Variants in PDE11A observed in about 807,000 individuals in gnomAD.
PDE11A encodes the protein phosphodiesterase 11A, also known as dual 3',5'-cyclic-AMP and -GMP phosphodiesterase 11A.
Under a neutral mutation model 100.5 loss-of-function variants are expected in PDE11A, and 100 were observed. That is an observed-to-expected ratio of 1.00 (90% CI 0.85 to 1.18). The LOEUF is 1.18. PDE11A is among the 50% of genes most tolerant of loss of function. The probability of loss-of-function intolerance (pLI) is 0.00; values close to 1 mark genes in which losing one functional copy is unlikely to be tolerated. For missense variants in PDE11A, 1,141 were observed against 1,152.6 expected (o/e 0.99, Z 0.15); for synonymous variants, 381 against 420.8 (o/e 0.91, Z 1.16).
At chr2:177,858,637 C>T (rs575811018) in intron 5 of PDE11A, among the ~76,000 whole-genome samples, 1 of 152,320 alleles carries the variant, frequency 6.6e-6, no homozygotes, top group South Asian at 2.1e-4. Flanking sequence ...AACACTTTTA[C>T]ACTGTTAGTG....
At chr2:177,910,446 A>G (rs74267470) in intron 2 of PDE11A, among the ~76,000 whole-genome samples, 1,725 of 146,142 alleles carry the variant, frequency 0.012, 27 homozygotes, top group East Asian at 0.074. Context: ...ATATATATAT[A>G]CACACACACA....
At chr2:177,664,423 T>C (rs1373667915) in intron 18 of PDE11A, among the ~76,000 whole-genome samples, 2 of 152,120 alleles carry the variant, frequency 1.3e-5, no homozygotes, top group African/African-American at 4.8e-5. Context: ...TGGGTAGGGG[T>C]TGATTTGGCA....
intron 15 of PDE11A, among the ~76,000 whole-genome samples, chr2:177,692,864 C>A (rs901387857): frequency 6.6e-6 from 1 of 152,168 alleles, no homozygotes; most frequent in African/African-American, 2.4e-5. Context: ...AGCCTTTCCA[C>A]ATTTCCATGA....
chr2:177,703,958 C>T (rs2081239918), intron 13 of PDE11A, among the ~76,000 whole-genome samples: 2 of 152,202 alleles, frequency 1.3e-5, no homozygotes, highest in African/African-American at 2.4e-5. Flanking sequence ...CCATCTTCCT[C>T]GTCAGATTCC....
chr2:177,722,676 T>C (rs2081547958), intron 12 of PDE11A, among the ~76,000 whole-genome samples: 2 of 152,192 alleles, frequency 1.3e-5, no homozygotes, highest in Non-Finnish European at 2.9e-5. Context: ...AGTTAATTTA[T>C]TGTGTCTGGT....
intron 4 of PDE11A, among the ~76,000 whole-genome samples, 160 bp from the exon 5 acceptor site, chr2:177,876,083 C>A (rs980612517): frequency 6.6e-6 from 1 of 152,110 alleles, no homozygotes; most frequent in Non-Finnish European, 1.5e-5. Context: ...AGAGGAGAAT[C>A]CCATCCTACA....
intron 5 of PDE11A, among the ~76,000 whole-genome samples, chr2:177,848,278 C>A (rs991714609): frequency 6.6e-6 from 1 of 151,984 alleles, no homozygotes; most frequent in South Asian, 2.1e-4. Context: ...AAACAGCAGA[C>A]AGTAAAAATA....
At chr2:177,777,208 G>A (rs2082390118) in intron 9 of PDE11A, among the ~76,000 whole-genome samples, 1 of 151,902 alleles carries the variant, frequency 6.6e-6, no homozygotes, top group Admixed American at 6.6e-5. Flanking sequence ...CTAGCCTCCA[G>A]AACTGTAAGA....
intron 2 of PDE11A, chr2:177,998,817 C>T (rs1360563838): frequency 1.7e-5 from 11 of 665,942 alleles, no homozygotes; most frequent in African/African-American, 1.6e-4. Flanking sequence ...TCATCCTTGC[C>T]GGCACCACTG....
chr2:178,033,269 C>A (rs917526370), intron 1 of PDE11A, among the ~76,000 whole-genome samples: 3 of 152,132 alleles, frequency 2.0e-5, no homozygotes, highest in African/African-American at 7.2e-5. Flanking sequence ...GTATCAACAA[C>A]CAAATTTATC....
At chr2:177,672,939 A>G (rs2080704659) in intron 17 of PDE11A, among the ~76,000 whole-genome samples, 1 of 152,248 alleles carries the variant, frequency 6.6e-6, no homozygotes, top group South Asian at 2.1e-4. Flanking sequence ...TTTGCAGCAT[A>G]TCCTTCTAGC....
intron 10 of PDE11A, among the ~76,000 whole-genome samples, chr2:177,745,763 G>A (rs1056965741): frequency 6.6e-5 from 10 of 152,336 alleles, no homozygotes; most frequent in Non-Finnish European, 1.0e-4. Flanking sequence ...ATATGTGAGT[G>A]TATTTGTTTT....
At chr2:177,901,289 T>C (rs953543712) in intron 3 of PDE11A, among the ~76,000 whole-genome samples, 4 of 152,020 alleles carry the variant, frequency 2.6e-5, no homozygotes, top group African/African-American at 9.7e-5. Flanking sequence ...GAGGACAGTT[T>C]CAATTCCCTA....
At chr2:177,864,507 T>C (rs759652919) in intron 5 of PDE11A, among the ~76,000 whole-genome samples, 1 of 151,986 alleles carries the variant, frequency 6.6e-6, no homozygotes, top group South Asian at 2.1e-4. Flanking sequence ...ATTTAGCAAG[T>C]AGAAAAAGTG....
At position 177,816,896 on chromosome 2, in the gene PDE11A, C is replaced by T; in HGVS notation, c.1670G>A (p.Gly557Asp). 1 of 1,609,298 alleles carries T rather than the reference C, an allele frequency of 6.2e-7. No homozygotes were observed. The highest frequency in any genetic ancestry group is 8.5e-7 in the Non-Finnish European group (1 of 1,175,834). ...ATCATACATAATTGTGTTGTTGATG[C>T]CAAGTCCACAAAAGATGACAAAAGC... ...FEAFVIFCGLGINNTIMYDQV... is the reference protein window; with the variant it reads ...FEAFVIFCGLDINNTIMYDQV... Residue 557 changes from glycine (G) to aspartate (D), a missense_variant, in exon 9 of 20, where the codon GGC becomes GAC. Transcript: ENST00000286063.
At chr2:177,832,858 A>C (rs921236764) in intron 6 of PDE11A, among the ~76,000 whole-genome samples, 1 of 152,160 alleles carries the variant, frequency 6.6e-6, no homozygotes, top group African/African-American at 2.4e-5. Flanking sequence ...AGCACACTCC[A>C]AGGGAAGAGC....
chr2:178,093,509 T>C (rs1334898757), intron 2 of PDE11A, among the ~76,000 whole-genome samples: 3 of 152,214 alleles, frequency 2.0e-5, no homozygotes, highest in Non-Finnish European at 4.4e-5. Flanking sequence ...GAAAGGTTCC[T>C]TTCTTTTCTT....
At chr2:178,057,124 T>C (rs539590080) in intron 1 of PDE11A, among the ~76,000 whole-genome samples, 1 of 152,296 alleles carries the variant, frequency 6.6e-6, no homozygotes, top group South Asian at 2.1e-4. Flanking sequence ...AACTATTCCT[T>C]TGAGCTTTGG....
chr2:178,044,244 C>A (rs1475984764), intron 1 of PDE11A, among the ~76,000 whole-genome samples: 2 of 151,704 alleles, frequency 1.3e-5, no homozygotes, highest in African/African-American at 4.8e-5. Context: ...AAATGTCTTT[C>A]AAATATTTTT....
Sources: gnomAD v4.1 joint callset for allele counts (sites outside exome capture counted in the v4.1 genomes callset) on GRCh38, gnomAD v4.1.1 for gene constraint, MANE v1.5 for transcripts, NCBI Gene and HGNC (gene_info 2026-07-23, HGNC 2026-07-21) for gene names.